The following RBPJ variants were observed in gnomAD, a reference collection of about 807,000 sequenced individuals.
RBPJ encodes recombination signal binding protein for immunoglobulin kappa J region.
A neutral mutation model predicts 67.8 loss-of-function variants in RBPJ; 9 were observed. The observed-to-expected ratio is 0.13, with a 90% CI of 0.08 to 0.23. The LOEUF (loss-of-function observed/expected upper bound fraction) is 0.23. Ranked by LOEUF, RBPJ falls within the 10% of genes least tolerant of loss-of-function variation. The pLI, the probability that RBPJ is intolerant of heterozygous loss-of-function variation, is 1.00. For missense variants in RBPJ, 305 were observed against 595.6 expected, an observed-to-expected ratio of 0.51 and a Z score of 5.08; for synonymous variants, 198 against 203.3, an observed-to-expected ratio of 0.97 and a Z score of 0.22.
intron 1 of RBPJ, among the ~76,000 whole-genome samples, chr4:26,298,873 A>C (rs928769744): frequency 1.2e-4 from 18 of 152,232 alleles, no homozygotes; most frequent in Non-Finnish European, 8.8e-5. Context: ...TATTCTGAAG[A>C]AGTGCTTTTG....
chr4:26,191,181 ATATATATAT>A (rs1362008526), intron 1 of RBPJ, among the ~76,000 whole-genome samples: 12 of 36,930 alleles, frequency 3.2e-4, no homozygotes, highest in African/African-American at 5.0e-4. Context: ...AAAAAAAAAA[ATATATATAT>A]ATATATATAT....
intron 1 of RBPJ, among the ~76,000 whole-genome samples, chr4:26,240,789 C>T (rs181869788): frequency 6.9e-4 from 105 of 152,108 alleles, no homozygotes; most frequent in African/African-American, 2.4e-3. Context: ...TCTCAAACTG[C>T]CTTCGTTTTG....
At position 26,424,006 on chromosome 4, in the gene RBPJ, A is replaced by G. The variant is rs1735395314; in HGVS notation, c.497-336A>G. 6.6e-6 allele frequency among the ~76,000 whole-genome samples: 1 copy of G among 152,230 alleles called. No homozygotes were observed. Among genetic ancestry groups the G allele is most frequent in the South Asian group, 2.1e-4 (1 of 4,830 alleles). On this transcript the variant is annotated intron_variant, in intron 5 of 10. Coordinates refer to ENST00000355476, the MANE Select transcript of RBPJ (RefSeq NM_015874.6). The surrounding 1 kb of genome is among the most constrained non-coding windows in gnomAD (Gnocchi z 5.3). ...TTTTCTTATCAGTGTGTTTAGATACACATCCTTTCAATAGGTCATCATTTA... is the reference window on the plus strand; with the variant it reads ...TTTTCTTATCAGTGTGTTTAGATACGCATCCTTTCAATAGGTCATCATTTA...
chr4:26,368,259 A>C (rs1045759194), intron 1 of RBPJ: 1 of 152,092 alleles, frequency 6.6e-6, no homozygotes, highest in Non-Finnish European at 1.5e-5. Flanking sequence ...AATTGAATTC[A>C]TTTTTTTCTG....
the RBPJ span, among the ~76,000 whole-genome samples, chr4:26,155,448 T>A: frequency 6.6e-6 from 1 of 150,968 alleles, no homozygotes; most frequent in African/African-American, 2.4e-5. Flanking sequence ...TTTTTTTTTT[T>A]TTTTCAGACA....
the RBPJ span, among the ~76,000 whole-genome samples, chr4:26,109,662 C>CTA: frequency 1.1e-5 from 1 of 87,132 alleles, no homozygotes; most frequent in East Asian, 3.2e-4. Context: ...CTCTCTCTCT[C>CTA]TCTCTCTATA....
chr4:26,245,397 C>T (rs571003907), intron 1 of RBPJ, among the ~76,000 whole-genome samples: 5 of 151,860 alleles, frequency 3.3e-5, no homozygotes, highest in East Asian at 3.9e-4. Context: ...TTAGTGGAGA[C>T]GGGGTTTCAC....
At position 26,432,916 on chromosome 4, in the gene RBPJ, C is replaced by A. The variant is rs1577686368; in HGVS notation, c.*1909C>A. ...AGCTTTGCTGTCTTCATCACTCACT[C>A]TATGCTCAGACTATGCCACTGTAAA... On this transcript the variant is annotated 3_prime_UTR_variant, in exon 11 of 11. Coordinates refer to ENST00000355476, the MANE Select transcript of RBPJ (RefSeq NM_015874.6). 6.6e-6 allele frequency: 1 copy of A among 152,164 alleles called. No individual in the cohort carries two copies. Among genetic ancestry groups the A allele is most frequent in the South Asian group, 2.1e-4 (1 of 4,834 alleles). 9.4% of individuals were successfully genotyped at this position (152,164 alleles called of 1,614,324 possible). A position where few individuals can be genotyped will look rare whatever the true frequency, so the allele number is the denominator to read the frequency against.
chr4:26,349,498 G>A (rs1046502182), intron 1 of RBPJ, among the ~76,000 whole-genome samples: 4 of 152,120 alleles, frequency 2.6e-5, no homozygotes, highest in African/African-American at 9.7e-5. Context: ...GTCCAAGTTC[G>A]TTTTATTTTG....
chr4:26,141,287 G>T, the RBPJ span, among the ~76,000 whole-genome samples: 2 of 152,240 alleles, frequency 1.3e-5, no homozygotes, highest in African/African-American at 4.8e-5. Context: ...CCAGCACTAG[G>T]CCTTGGGCTA....
intron 1 of RBPJ, among the ~76,000 whole-genome samples, chr4:26,254,230 CT>C (rs1720217746): frequency 6.7e-6 from 1 of 148,910 alleles, no homozygotes; most frequent in South Asian, 2.1e-4. Flanking sequence ...GCTGAAAACT[CT>C]CCAATGGCTT....
chr4:26,287,728 G>A (rs1032010855), intron 1 of RBPJ, among the ~76,000 whole-genome samples: 3 of 143,138 alleles, frequency 2.1e-5, no homozygotes, highest in Non-Finnish European at 3.0e-5. Flanking sequence ...AGAAGAAAAC[G>A]AGAAAGGGAG....
In RBPJ at chr4:26,379,642, A is replaced by G. The variant is rs531855287; in HGVS notation, c.21-6711A>G. ...ACCTCCTCCATGATCACCTGCTACC[A>G]GGTTCCTCCCTCGACACATGGGGAT... On this transcript the variant is annotated intron_variant, in intron 1 of 10. Coordinates refer to ENST00000355476, the MANE Select transcript of RBPJ (RefSeq NM_015874.6). Among the ~76,000 whole-genome samples the G allele has an allele frequency of 3.3e-5, 5 of 152,286 alleles. No individual in the cohort carries two copies. In the South Asian group the frequency reaches 1.0e-3, roughly 32 times the overall value.
intron 1 of RBPJ, among the ~76,000 whole-genome samples, chr4:26,182,329 A>G (rs931044796): frequency 4.6e-5 from 7 of 151,790 alleles, no homozygotes; most frequent in Non-Finnish European, 1.0e-4. Context: ...GCAAAAGAGC[A>G]AGACTCCGTC....
the RBPJ span, among the ~76,000 whole-genome samples, chr4:26,132,030 C>T: frequency 6.6e-6 from 1 of 152,222 alleles, no homozygotes; most frequent in Admixed American, 6.5e-5. Context: ...ACTGGTACAC[C>T]TGGACTGGTC....
intron 1 of RBPJ, among the ~76,000 whole-genome samples, chr4:26,209,557 G>GTCTCCCTCCCTTCCTCCTTCCCTC (rs1718293292): frequency 4.4e-5 from 2 of 45,676 alleles, no homozygotes; most frequent in African/African-American, 8.8e-5. Flanking sequence ...CTCCTTCCCT[G>GTCTCCCTCCCTTCCTCCTTCCCTC]TCTCCCTCCC....
chr4:26,243,204 G>T (rs932285783), intron 1 of RBPJ, among the ~76,000 whole-genome samples: 2 of 152,016 alleles, frequency 1.3e-5, no homozygotes, highest in African/African-American at 4.8e-5. Flanking sequence ...TCCAGCCTGG[G>T]CAACAAGAGC....
At chr4:26,299,766 C>T (rs1358602698) in intron 1 of RBPJ, among the ~76,000 whole-genome samples, 1 of 149,916 alleles carries the variant, frequency 6.7e-6, no homozygotes, top group African/African-American at 2.5e-5. Context: ...GCAACCTCTG[C>T]CTCCTGGGTT....
intron 1 of RBPJ, among the ~76,000 whole-genome samples, chr4:26,257,146 C>T (rs1230565102): frequency 1.3e-5 from 2 of 152,178 alleles, no homozygotes; most frequent in African/African-American, 2.4e-5. Context: ...ATATGTATTA[C>T]TTGCATCAAC....
Sources: allele counts gnomAD v4.1 joint callset (sites outside exome capture counted in the v4.1 genomes callset), GRCh38; gene constraint gnomAD v4.1.1; non-coding constraint Gnocchi (gnomAD v3.1); transcripts MANE v1.5; gene names NCBI Gene and HGNC (gene_info 2026-07-23, HGNC 2026-07-21).